RGS21: variants seen among roughly 807,000 people sequenced by gnomAD.
RGS21 encodes the protein regulator of G-protein signalling 21.
RGS21 carries 19 observed loss-of-function variants against 18.7 expected under a neutral mutation model. The ratio of observed to expected loss-of-function variants is 1.01; its 90% CI spans 0.71 to 1.49. RGS21 has a LOEUF of 1.49. Among genes scored for constraint, RGS21 ranks in the 40% most tolerant of loss-of-function variants. The pLI is 0.00. For missense variants in RGS21, 194 were observed against 176.8 expected (o/e 1.10, Z -0.55); for synonymous variants, 56 against 57.8 (o/e 0.97, Z 0.14).
intron 2 of RGS21, among the ~76,000 whole-genome samples, chr1:192,346,967 T>G (rs900044629): frequency 6.6e-6 from 1 of 152,182 alleles, no homozygotes; most frequent in African/African-American, 2.4e-5. Context: ...ACTTTTTGGC[T>G]AGAGTAATGT....
chr1:192,332,352 G>A (rs771109722), intron 1 of RGS21, among the ~76,000 whole-genome samples: 8 of 152,078 alleles, frequency 5.3e-5, no homozygotes, highest in Non-Finnish European at 1.2e-4. Flanking sequence ...AATTTATAAA[G>A]GGAAATGTTT....
At chr1:192,342,907 C>G (rs894311225) in intron 1 of RGS21, 70 bp from the exon 2 acceptor site, 1 of 859,628 alleles carries the variant, frequency 1.2e-6, no homozygotes, top group South Asian at 1.6e-5. Flanking sequence ...TTAAAGAATG[C>G]CAATTTGTAA....
intron 4 of RGS21, among the ~76,000 whole-genome samples, chr1:192,357,669 T>C (rs1407467268): frequency 6.6e-6 from 1 of 151,710 alleles, no homozygotes; most frequent in Non-Finnish European, 1.5e-5. Context: ...TTCCCCTAGA[T>C]CTACCACTAA....
intron 1 of RGS21, among the ~76,000 whole-genome samples, chr1:192,317,843 T>C (rs894421767): frequency 4.6e-5 from 7 of 152,008 alleles, no homozygotes; most frequent in African/African-American, 1.7e-4. Flanking sequence ...AACTTATAAC[T>C]TATATTAAGT....
intron 1 of RGS21, among the ~76,000 whole-genome samples, chr1:192,332,421 T>A (rs922447218): frequency 6.6e-6 from 1 of 152,178 alleles, no homozygotes; most frequent in Non-Finnish European, 1.5e-5. Flanking sequence ...GGCAAAAAAG[T>A]CAACCTTGTT....
chr1:192,330,199 T>C (rs1468686300), intron 1 of RGS21, among the ~76,000 whole-genome samples: 5 of 152,166 alleles, frequency 3.3e-5, no homozygotes, highest in East Asian at 1.9e-4. Context: ...AAGCATATAA[T>C]AGGTGTTACG....
chr1:192,339,676 T>C (rs1000215538), intron 1 of RGS21, among the ~76,000 whole-genome samples: 3 of 152,090 alleles, frequency 2.0e-5, no homozygotes, highest in African/African-American at 7.2e-5. Flanking sequence ...GCCACCCTTG[T>C]TCTCTCGTGT....
chr1:192,358,900 C>T (rs1198815992), intron 4 of RGS21, among the ~76,000 whole-genome samples: 1 of 152,046 alleles, frequency 6.6e-6, no homozygotes, highest in African/African-American at 2.4e-5. Context: ...TATCCTGGGT[C>T]TTCATAATAA....
At chr1:192,355,228 T>C (rs1659094992) in intron 4 of RGS21, among the ~76,000 whole-genome samples, 2 of 151,678 alleles carry the variant, frequency 1.3e-5, no homozygotes, top group Admixed American at 1.3e-4. Flanking sequence ...ATGATACATT[T>C]ACATAGGAAA....
intron 3 of RGS21, among the ~76,000 whole-genome samples, chr1:192,351,208 GA>G (rs1449674216): frequency 6.6e-6 from 1 of 152,064 alleles, no homozygotes; most frequent in African/African-American, 2.4e-5. Context: ...CAACATCGGA[GA>G]AAAACCCTAT....
intron 4 of RGS21, among the ~76,000 whole-genome samples, chr1:192,356,556 T>C (rs988433800): frequency 5.9e-5 from 9 of 151,720 alleles, no homozygotes; most frequent in African/African-American, 2.2e-4. Context: ...AAGGATATGA[T>C]GATTAAATAC....
Position 192,347,296 on chromosome 1 carries a change from G to A in RGS21, c.12-17G>A, listed in dbSNP as rs373869255. Reference sequence around the variant, plus strand: ...GGTTAAAGAAGAAAAAGATCACAATGCTATTGTCAAGGTTAGATGCTGTTT... The same window carrying A: ...GGTTAAAGAAGAAAAAGATCACAATACTATTGTCAAGGTTAGATGCTGTTT... On this transcript the variant is annotated splice_polypyrimidine_tract_variant and intron_variant, in intron 2 of 4. Coordinates refer to ENST00000417209, the MANE Select transcript of RGS21 (RefSeq NM_001039152.3). 5.4e-5 allele frequency: 81 copies of A among 1,488,814 alleles called. 1 individual carries two copies. The South Asian group carries it at 8.6e-4, about 16-fold the overall frequency. 92.2% of individuals were successfully genotyped at this position (1,488,814 alleles called of 1,614,324 possible).
chr1:192,361,772 C>T (rs1659190713), intron 4 of RGS21, among the ~76,000 whole-genome samples: 1 of 152,080 alleles, frequency 6.6e-6, no homozygotes, highest in Non-Finnish European at 1.5e-5. Flanking sequence ...GTCTTTAACT[C>T]CTCGCTTCAG....
chr1:192,352,243 G>A (rs1198259282), intron 4 of RGS21, 30 bp downstream of exon 4: 1 of 1,533,250 alleles, frequency 6.5e-7, no homozygotes, highest in Admixed American at 2.0e-5. Flanking sequence ...ACAGTGAAGA[G>A]TCATCCTGTA....
At chr1:192,363,538 C>T (rs7524601) in intron 4 of RGS21, among the ~76,000 whole-genome samples, 43,601 of 151,930 alleles carry the variant, frequency 0.29, 7,143 homozygotes, top group African/African-American at 0.44. Flanking sequence ...AAAACCACTA[C>T]AAATCTTGAT....
intron 1 of RGS21, among the ~76,000 whole-genome samples, chr1:192,342,481 A>C (rs1324967319): frequency 2.6e-5 from 4 of 152,048 alleles, no homozygotes; most frequent in Non-Finnish European, 4.4e-5. Context: ...GTCTTATATT[A>C]GAACATTTTA....
intron 4 of RGS21, among the ~76,000 whole-genome samples, chr1:192,356,285 A>T (rs750380533): frequency 6.6e-6 from 1 of 151,814 alleles, no homozygotes; most frequent in Non-Finnish European, 1.5e-5. Flanking sequence ...CATCCTTGTA[A>T]GATAAAATCC....
At chr1:192,356,288 T>C (rs1014858381) in intron 4 of RGS21, among the ~76,000 whole-genome samples, 6 of 151,884 alleles carry the variant, frequency 4.0e-5, no homozygotes, top group Non-Finnish European at 7.4e-5. Flanking sequence ...CCTTGTAAGA[T>C]AAAATCCCTC....
intron 3 of RGS21, among the ~76,000 whole-genome samples, chr1:192,348,639 T>C (rs1936674): frequency 0.96 from 145,971 of 152,140 alleles, 70,099 homozygotes; most frequent in East Asian, 1. Context: ...ATATCTTAGT[T>C]AACACAACTT....
Sources: allele counts gnomAD v4.1 joint callset (sites outside exome capture counted in the v4.1 genomes callset), GRCh38; gene constraint gnomAD v4.1.1; transcripts MANE v1.5; gene names NCBI Gene and HGNC (gene_info 2026-07-23, HGNC 2026-07-21).